Variants in SGCZ observed in about 807,000 individuals in gnomAD.
SGCZ encodes sarcoglycan zeta, also known as zeta-sarcoglycan.
In SGCZ, 40 loss-of-function variants were observed where a neutral mutation model predicts 41.3. The ratio of observed to expected loss-of-function variants is 0.97; its 90% CI spans 0.75 to 1.26. The LOEUF (loss-of-function observed/expected upper bound fraction) is 1.26, where lower values mean the gene tolerates loss of function less well. SGCZ is among the 50% of genes most tolerant of loss of function. SGCZ has a pLI of 0.00. For synonymous variants in SGCZ, 206 were observed against 137.5 expected, an observed-to-expected ratio of 1.50 and a Z score of -3.49; for missense variants, 552 against 369.8, an observed-to-expected ratio of 1.49 and a Z score of -4.04.
chr8:14,428,101 T>TACAC (rs200114899), intron 2 of SGCZ, among the ~76,000 whole-genome samples: 61 of 124,480 alleles, frequency 4.9e-4, no homozygotes, highest in East Asian at 3.5e-3. Flanking sequence ...TGGTTGTATA[T>TACAC]ACACACACAC....
intron 1 of SGCZ, among the ~76,000 whole-genome samples, chr8:15,065,803 T>C (rs1056243289): frequency 1.3e-5 from 2 of 152,164 alleles, no homozygotes; most frequent in Non-Finnish European, 2.9e-5. Flanking sequence ...TCACGATATC[T>C]ATTTTTATAA....
chr8:15,131,191 T>C (rs751183019), intron 1 of SGCZ, among the ~76,000 whole-genome samples: 2 of 152,224 alleles, frequency 1.3e-5, no homozygotes, highest in Non-Finnish European at 2.9e-5. Flanking sequence ...TCATCTTGAA[T>C]TGTAGCTGCC....
At chr8:14,763,466 T>C (rs1267662515) in intron 1 of SGCZ, among the ~76,000 whole-genome samples, 2 of 152,206 alleles carry the variant, frequency 1.3e-5, no homozygotes, top group Non-Finnish European at 2.9e-5. Flanking sequence ...TATCTTAGCA[T>C]GTCTCTTTAT....
intron 1 of SGCZ, among the ~76,000 whole-genome samples, chr8:14,865,143 T>A (rs939914608): frequency 6.6e-6 from 1 of 152,050 alleles, no homozygotes; most frequent in African/African-American, 2.4e-5. Context: ...TAAAACTCAG[T>A]GTCCTTAGCA....
At chr8:14,197,746 A>C (rs1263156239) in intron 4 of SGCZ, among the ~76,000 whole-genome samples, 1 of 152,076 alleles carries the variant, frequency 6.6e-6, no homozygotes, top group African/African-American at 2.4e-5. Flanking sequence ...CCTAAGTTTC[A>C]GTTTAAAAAG....
intron 4 of SGCZ, among the ~76,000 whole-genome samples, chr8:14,199,797 T>C (rs1304567): frequency 0.43 from 64,741 of 151,980 alleles, 14,657 homozygotes; most frequent in East Asian, 0.73. Context: ...ATTTCCTTTT[T>C]AAAGAAAAAA....
chr8:15,204,938 GA>G (rs1801013532), intron 1 of SGCZ, among the ~76,000 whole-genome samples: 1 of 152,122 alleles, frequency 6.6e-6, no homozygotes, highest in Non-Finnish European at 1.5e-5. Flanking sequence ...CTGAATGAAT[GA>G]ACTTGGCCCT....
At chr8:14,283,758 C>T (rs999078329) in intron 3 of SGCZ, among the ~76,000 whole-genome samples, 1 of 152,144 alleles carries the variant, frequency 6.6e-6, no homozygotes, top group Non-Finnish European at 1.5e-5. Flanking sequence ...CATATGGTCT[C>T]TATCATAACT....
chr8:14,463,364 T>C (rs1466628493), intron 2 of SGCZ, among the ~76,000 whole-genome samples: 1 of 148,386 alleles, frequency 6.7e-6, no homozygotes, highest in Non-Finnish European at 1.5e-5. Context: ...CACAGGCATG[T>C]AGACCAATGG....
chr8:14,990,582 T>G (rs999989240), intron 1 of SGCZ, among the ~76,000 whole-genome samples: 3 of 151,774 alleles, frequency 2.0e-5, no homozygotes, highest in Non-Finnish European at 4.4e-5. Flanking sequence ...TTTGTCACTG[T>G]CTCTCATCAC....
intron 2 of SGCZ, among the ~76,000 whole-genome samples, chr8:14,365,329 G>A (rs987120803): frequency 2.0e-5 from 3 of 151,910 alleles, no homozygotes; most frequent in Non-Finnish European, 2.9e-5. Flanking sequence ...AATAATTTTT[G>A]TATTGTATTA....
chr8:15,067,765 C>T (rs1259169181), intron 1 of SGCZ, among the ~76,000 whole-genome samples: 1 of 152,092 alleles, frequency 6.6e-6, no homozygotes, highest in Non-Finnish European at 1.5e-5. Flanking sequence ...ATGCCATGCA[C>T]TGTGCAAGAT....
chr8:15,087,159 T>C (rs1355612520), intron 1 of SGCZ, among the ~76,000 whole-genome samples: 1 of 152,050 alleles, frequency 6.6e-6, no homozygotes, highest in Non-Finnish European at 1.5e-5. Flanking sequence ...ATAGGATGAC[T>C]ATAGAGATTA....
intron 5 of SGCZ, among the ~76,000 whole-genome samples, chr8:14,148,952 T>C (rs1803611727): frequency 6.6e-6 from 1 of 152,074 alleles, no homozygotes; most frequent in Admixed American, 6.5e-5. Flanking sequence ...ATCCTATCAA[T>C]AGATGCTAAA....
intron 1 of SGCZ, among the ~76,000 whole-genome samples, chr8:14,570,288 T>C (rs888120578): frequency 4.6e-5 from 7 of 152,168 alleles, no homozygotes; most frequent in African/African-American, 1.4e-4. Context: ...TAAGTTCTGA[T>C]TGAATAAAAT....
chr8:14,704,703 G>C (rs537809504), intron 1 of SGCZ, among the ~76,000 whole-genome samples: 17 of 151,970 alleles, frequency 1.1e-4, no homozygotes, highest in African/African-American at 4.1e-4. Context: ...TGTATAAAAT[G>C]CTTGACTCAG....
At chr8:15,156,592 C>A (rs894680499) in intron 1 of SGCZ, among the ~76,000 whole-genome samples, 1 of 152,160 alleles carries the variant, frequency 6.6e-6, no homozygotes, top group African/African-American at 2.4e-5. Flanking sequence ...CGTCCATTAT[C>A]TCGTTGAAAG....
At chr8:14,280,752 C>G (rs1018643704) in intron 3 of SGCZ, among the ~76,000 whole-genome samples, 1 of 150,320 alleles carries the variant, frequency 6.7e-6, no homozygotes, top group Admixed American at 6.6e-5. Context: ...TGTTCTTATA[C>G]TTTTGTGCTA....
At chr8:14,278,059 TC>T (rs1274414131) in intron 3 of SGCZ, among the ~76,000 whole-genome samples, 3 of 152,136 alleles carry the variant, frequency 2.0e-5, no homozygotes, top group Non-Finnish European at 1.5e-5. Context: ...ACAGTGCAGT[TC>T]CAACACTCAC....
Sources: allele counts gnomAD v4.1 joint callset (sites outside exome capture counted in the v4.1 genomes callset), GRCh38; gene constraint gnomAD v4.1.1; transcripts MANE v1.5; gene names NCBI Gene and HGNC (gene_info 2026-07-23, HGNC 2026-07-21).